The following CCDC34 variants were observed in gnomAD, a reference collection of about 807,000 sequenced individuals.
The protein encoded by CCDC34 is coiled-coil domain-containing protein 34.
A neutral mutation model predicts 44.1 loss-of-function variants in CCDC34; 40 were observed. The observed-to-expected ratio is 0.91, with a 90% confidence interval of 0.70 to 1.18. The LOEUF (loss-of-function observed/expected upper bound fraction) is 1.18, where lower values mean the gene tolerates loss of function less well. Ranked by LOEUF, CCDC34 falls within the 50% of genes most tolerant of loss-of-function variation. CCDC34 has a pLI of 0.00. For missense variants in CCDC34, 466 were observed against 452.3 expected (o/e 1.03, Z -0.28); for synonymous variants, 159 against 158.2 (o/e 1.01, Z -0.04).
intron 5 of CCDC34, among the ~76,000 whole-genome samples, chr11:27,339,616 A>G (rs1862325148): frequency 6.6e-6 from 1 of 152,186 alleles, no homozygotes; most frequent in African/African-American, 2.4e-5. Context: ...GCCATCTAAT[A>G]AACACATTTG....
intron 2 of CCDC34, among the ~76,000 whole-genome samples, chr11:27,355,712 T>C (rs1862565400): frequency 6.6e-6 from 1 of 152,180 alleles, no homozygotes; most frequent in Non-Finnish European, 1.5e-5. Context: ...CCAGGGTTTT[T>C]ATTATTCTTG....
chr11:27,352,452 C>CAT (rs984596925), intron 2 of CCDC34, among the ~76,000 whole-genome samples: 27 of 150,850 alleles, frequency 1.8e-4, no homozygotes, highest in Admixed American at 6.6e-5. Context: ...AAAAATTATA[C>CAT]ATATATATAC....
chr11:27,344,812 A>G (rs567734357), intron 3 of CCDC34, among the ~76,000 whole-genome samples: 8 of 152,246 alleles, frequency 5.3e-5, no homozygotes, highest in Admixed American at 4.6e-4. Context: ...AAGCACTATT[A>G]GGACAGGCAT....
Position 27,358,970 on chromosome 11 carries a change from C to T in CCDC34, c.360-1429G>A, listed in dbSNP as rs998116964. Among the ~76,000 whole-genome samples the T allele has an allele frequency of 8.0e-4, 94 of 117,894 alleles. 3 individuals are homozygous for T. Among genetic ancestry groups the T allele is most frequent in the Non-Finnish European group, 1.4e-3 (71 of 49,344 alleles). 77.3% of individuals were successfully genotyped at this position (117,894 alleles called of 152,430 possible). ...TGTCAACATGTGGACCCCCCCCCCC[C>T]ACCGCCACCACCTCCCATACCCACA... On this transcript the variant is annotated intron_variant, in intron 1 of 5. Transcript: ENST00000328697.
At chr11:27,340,617 T>C in intron 5 of CCDC34, 79 bp downstream of exon 5, 1 of 1,351,142 alleles carries the variant, frequency 7.4e-7, no homozygotes, top group South Asian at 1.6e-5. Flanking sequence ...TTTTTACACA[T>C]TTCTATTTCT....
chr11:27,360,969 A>G (rs1862654946), intron 1 of CCDC34, among the ~76,000 whole-genome samples: 2 of 152,280 alleles, frequency 1.3e-5, no homozygotes, highest in Non-Finnish European at 2.9e-5. Flanking sequence ...CTAAAAATCT[A>G]CCTTTCCTGA....
chr11:27,343,416 A>AC (rs1282035747), intron 3 of CCDC34, among the ~76,000 whole-genome samples: 3 of 152,010 alleles, frequency 2.0e-5, no homozygotes, highest in African/African-American at 7.2e-5. Flanking sequence ...AAAAAAAAAA[A>AC]AATCAAAGCT....
intron 3 of CCDC34, among the ~76,000 whole-genome samples, chr11:27,348,120 G>GTTTCATACAACTTTGTTTC (rs1862457866): frequency 6.6e-6 from 1 of 151,966 alleles, no homozygotes; most frequent in Non-Finnish European, 1.5e-5. Flanking sequence ...ACGCTGCACC[G>GTTTCATACAACTTTGTTTC]AGAGAACCTT....
intron 3 of CCDC34, among the ~76,000 whole-genome samples, chr11:27,342,056 C>T (rs1862367654): frequency 6.6e-6 from 1 of 152,096 alleles, no homozygotes; most frequent in African/African-American, 2.4e-5. Flanking sequence ...TCCTTGCCTT[C>T]TGCCATGATT....
intron 3 of CCDC34, among the ~76,000 whole-genome samples, chr11:27,341,813 C>T (rs1195172808): frequency 6.6e-6 from 1 of 152,108 alleles, no homozygotes; most frequent in Admixed American, 6.5e-5. Context: ...GAGCCTGGGG[C>T]AGTACTGAGT....
rs550397601 is a variant in CCDC34 at position 27,345,115 on chromosome 11, T to G, written c.607-3565A>C. ...GAAAAGATTATCTTGTCAATATTGT[T>G]AGGACAATTGGATATCCACATGCAA... On this transcript the variant is annotated intron_variant, in intron 3 of 5. Transcript: ENST00000328697. Among the ~76,000 whole-genome samples the G allele has an allele frequency of 1.6e-4, 25 of 152,276 alleles. No individual in the cohort carries two copies. In the South Asian group the frequency reaches 5.2e-3, roughly 32 times the overall value.
intron 5 of CCDC34, among the ~76,000 whole-genome samples, chr11:27,340,273 CT>C (rs953871175): frequency 2.0e-5 from 3 of 152,170 alleles, no homozygotes; most frequent in Non-Finnish European, 2.9e-5. Flanking sequence ...GGTTTTGTGT[CT>C]GGTTCATGTG....
intron 3 of CCDC34, among the ~76,000 whole-genome samples, chr11:27,343,473 C>T (rs557180736): frequency 3.4e-4 from 52 of 151,988 alleles, no homozygotes; most frequent in African/African-American, 1.1e-3. Flanking sequence ...TTCCTTCTTG[C>T]TGGGCAGCCA....
chr11:27,343,184 T>C (rs1157254501), intron 3 of CCDC34, among the ~76,000 whole-genome samples: 3 of 152,114 alleles, frequency 2.0e-5, no homozygotes, highest in Admixed American at 2.0e-4. Context: ...GTGGATCACC[T>C]GAGGTCAGGA....
At chr11:27,355,284 T>G (rs1363612393) in intron 2 of CCDC34, among the ~76,000 whole-genome samples, 1 of 152,174 alleles carries the variant, frequency 6.6e-6, no homozygotes, top group Non-Finnish European at 1.5e-5. Context: ...ATACCAGGTT[T>G]TGCACAAAAT....
At chr11:27,346,153 G>GA (rs972016467) in intron 3 of CCDC34, among the ~76,000 whole-genome samples, 23 of 148,858 alleles carry the variant, frequency 1.5e-4, no homozygotes, top group East Asian at 3.9e-4. Flanking sequence ...TCTTGTTAGT[G>GA]AAAAAAAAAA....
chr11:27,350,612 C>A (rs1862494286), intron 2 of CCDC34, among the ~76,000 whole-genome samples, 173 bp from the exon 3 acceptor site: 1 of 152,210 alleles, frequency 6.6e-6, no homozygotes. Context: ...TGAAAAAAAG[C>A]ATTGGTAAAA....
At chr11:27,347,091 T>TATA (rs1291291637) in intron 3 of CCDC34, among the ~76,000 whole-genome samples, 1 of 152,140 alleles carries the variant, frequency 6.6e-6, no homozygotes, top group Non-Finnish European at 1.5e-5. Context: ...AGAAGACTAA[T>TATA]ATAATAAGCT....
chr11:27,344,549 A>C (rs970284158), intron 3 of CCDC34, among the ~76,000 whole-genome samples: 2 of 151,374 alleles, frequency 1.3e-5, no homozygotes, highest in African/African-American at 4.8e-5. Flanking sequence ...AAATATATAA[A>C]ATATATATTA....
Sources: allele counts gnomAD v4.1 joint callset (sites outside exome capture counted in the v4.1 genomes callset), GRCh38; gene constraint gnomAD v4.1.1; transcripts MANE v1.5; gene names NCBI Gene and HGNC (gene_info 2026-07-23, HGNC 2026-07-21).